Variants in ZNF316 observed in about 807,000 individuals in gnomAD.
The protein encoded by ZNF316 is zinc finger protein 316.
ZNF316 carries 23 observed loss-of-function variants against 75.6 expected under a neutral mutation model. The ratio of observed to expected loss-of-function variants is 0.30; its 90% CI spans 0.22 to 0.43. ZNF316 has a LOEUF of 0.43. ZNF316 is among the 20% of genes least tolerant of loss of function. ZNF316 has a pLI of 1.00. For missense variants in ZNF316, 1,266 were observed against 1,409.4 expected, an observed-to-expected ratio of 0.90 and a Z score of 1.63; for synonymous variants, 827 against 666.2, an observed-to-expected ratio of 1.24 and a Z score of -3.72.
rs1246356350 is a variant in ZNF316 at position 6,654,507 on chromosome 7, C to T, written c.2911C>T (p.Arg971Cys). 5 of 1,176,188 alleles carry T rather than the reference C, an allele frequency of 4.3e-6. No individual in the cohort carries two copies. Among genetic ancestry groups the T allele is most frequent in the Non-Finnish European group, 4.2e-6 (4 of 952,510 alleles). The allele number at this position is 1,176,188 out of a possible 1,614,324, so 72.9% of individuals were successfully genotyped here. A position where few individuals can be genotyped will look rare whatever the true frequency, so the allele number is the denominator to read the frequency against. ...KGPSSAGPGERGSALLEFAGG... is the reference protein window; with the variant it reads ...KGPSSAGPGECGSALLEFAGG... ...GCCGTCCAGTGCCGGCCCCGGTGAG[C>T]GCGGCAGCGCCCTGCTGGAGTTCGC... Residue 971 changes from arginine to cysteine, a missense_variant, in exon 9 of 9, where the codon CGC (arginine) becomes TGC (cysteine). By Grantham distance (180) the Arg-to-Cys change is radical. This residue lies in a region of ZNF316 where 111 missense variants were observed against 99.2 expected (regional missense o/e 1.12). Transcript: ENST00000382252.
In ZNF316 at chr7:6,652,844, G is replaced by A. The variant is rs1779535651; in HGVS notation, c.1248G>A (p.Leu416=). ...CGKRFVYKSH[L]VTHRRIHTGE... Reference sequence around the variant, plus strand: ...AGCGCTTCGTCTACAAGTCGCACCTGGTTACGCACCGACGCATCCATACTG... The same window carrying A: ...AGCGCTTCGTCTACAAGTCGCACCTAGTTACGCACCGACGCATCCATACTG... Residue 416 remains leucine (L), a synonymous_variant, in exon 9 of 9, where the codon CTG becomes CTA. Coordinates refer to ENST00000382252, the MANE Select transcript of ZNF316 (RefSeq NM_001278559.2). 4 of 1,251,900 alleles carry A rather than the reference G, an allele frequency of 3.2e-6. No homozygotes were observed. The highest frequency in any genetic ancestry group is 4.0e-6 in the Non-Finnish European group (4 of 997,672). 77.5% of individuals were successfully genotyped at this position (1,251,900 alleles called of 1,614,324 possible). A position where few individuals can be genotyped will look rare whatever the true frequency, so the allele number is the denominator to read the frequency against.
At chr7:6,650,019 A>G (rs1779479381) in intron 8 of ZNF316, among the ~76,000 whole-genome samples, 1 of 152,174 alleles carries the variant, frequency 6.6e-6, no homozygotes, top group African/African-American at 2.4e-5. Context: ...TATCCAGTAA[A>G]TGCTCGCTGA....
In ZNF316 at chr7:6,637,521, G is replaced by C. The variant is rs1260713905; in HGVS notation, c.-431+74G>C. On this transcript the variant is annotated intron_variant, in intron 1 of 8. Coordinates refer to ENST00000382252, the MANE Select transcript of ZNF316 (RefSeq NM_001278559.2). This position sits in a 1 kb window ranked among gnomAD's most constrained non-coding sequence, Gnocchi z 6.2. ...CGGGCGGGCCGGGCTTGCGCTCGGG[G>C]GCGGCGGCGGCGGCGGGGCCGGGCT... is the stretch of plus-strand genomic sequence containing the variant. 6.8e-6 allele frequency: 1 copy of C among 146,614 alleles called. No homozygotes were observed. Among genetic ancestry groups the C allele is most frequent in the Non-Finnish European group, 1.5e-5 (1 of 65,708 alleles). The allele number at this position is 146,614 out of a possible 1,614,324, so 9.1% of individuals were successfully genotyped here.
intron 8 of ZNF316, among the ~76,000 whole-genome samples, chr7:6,649,562 C>T (rs774080269): frequency 2.0e-5 from 3 of 152,226 alleles, no homozygotes; most frequent in Non-Finnish European, 4.4e-5. Flanking sequence ...TGAACACCCT[C>T]ACTCAAGGAT....
At chr7:6,647,271 C>T (rs1319524123) in intron 8 of ZNF316, among the ~76,000 whole-genome samples, 1 of 152,176 alleles carries the variant, frequency 6.6e-6, no homozygotes, top group Non-Finnish European at 1.5e-5. Context: ...ACAGACCTGG[C>T]AGCCTGGCCA....
Position 6,654,053 on chromosome 7 carries a change from G to A in ZNF316, c.2457G>A (p.Thr819=). 2 of 1,206,026 alleles carry A rather than the reference G, an allele frequency of 1.7e-6. No individual in the cohort carries two copies. Among genetic ancestry groups the A allele is most frequent in the Non-Finnish European group, 2.1e-6 (2 of 971,452 alleles). 74.7% of individuals were successfully genotyped at this position (1,206,026 alleles called of 1,614,324 possible). A position where few individuals can be genotyped will look rare whatever the true frequency, so the allele number is the denominator to read the frequency against. Residue 819 remains threonine (T), a synonymous_variant, in exon 9 of 9, where the codon ACG becomes ACA. Coordinates refer to ENST00000382252, the MANE Select transcript of ZNF316 (RefSeq NM_001278559.2). ...GRRFGQSAAL[T]RHQWAHAEEK... is the part of the protein sequence containing the mutation. Reference sequence around the variant, plus strand: ...GCTTCGGGCAGAGCGCGGCGCTGACGCGGCATCAGTGGGCGCACGCCGAGG... The same window carrying A: ...GCTTCGGGCAGAGCGCGGCGCTGACACGGCATCAGTGGGCGCACGCCGAGG...
In ZNF316 at chr7:6,652,442, G is replaced by T; in HGVS notation, c.846G>T (p.Thr282=). ...AAYGVGDVPG[T]WGPDDSDSAQ... ...ACGGCGTGGGGGACGTGCCTGGGACGTGGGGGCCCGACGACTCGGATTCGG... is the reference window on the plus strand; with the variant it reads ...ACGGCGTGGGGGACGTGCCTGGGACTTGGGGGCCCGACGACTCGGATTCGG... Residue 282 remains threonine (T), a synonymous_variant, in exon 9 of 9, where the codon ACG becomes ACT. Transcript: ENST00000382252. The T allele has an allele frequency of 1.6e-6, 2 of 1,232,052 alleles. No individual in the cohort carries two copies. The highest frequency in any genetic ancestry group is 4.1e-5 in the South Asian group (1 of 24,322). 76.3% of individuals were successfully genotyped at this position (1,232,052 alleles called of 1,614,324 possible).
chr7:6,644,662 C>T (rs1442079197), intron 8 of ZNF316, 69 bp downstream of exon 8: 1 of 872,788 alleles, frequency 1.1e-6, no homozygotes, highest in East Asian at 3.3e-5. Flanking sequence ...CTTTGGCCTT[C>T]ACTGCGCTCT....
Position 6,644,482 on chromosome 7 carries a change from T to C in ZNF316, c.595T>C (p.Tyr199His). 4.1e-6 allele frequency: 5 copies of C among 1,231,934 alleles called. No homozygotes were observed. The highest frequency in any genetic ancestry group is 5.1e-6 in the Non-Finnish European group (5 of 987,810). The allele number at this position is 1,231,934 out of a possible 1,614,324, so 76.3% of individuals were successfully genotyped here. A position where few individuals can be genotyped will look rare whatever the true frequency, so the allele number is the denominator to read the frequency against. Residue 199 changes from tyrosine to histidine, a missense_variant and splice_region_variant, in exon 8 of 9, where the codon TAC (tyrosine) becomes CAC (histidine). Around this residue, in one of 3 missense-constraint regions of ZNF316, gnomAD observed 961 missense variants for 990.9 expected, o/e 0.97. Coordinates refer to ENST00000382252, the MANE Select transcript of ZNF316 (RefSeq NM_001278559.2). Reference protein sequence around the residue: ...ENYGILVSLGYPIPKPDLIFR... With the variant: ...ENYGILVSLGHPIPKPDLIFR... ...GCCGCCGTCTGTTCTCCTGGCAGGATACCCAATTCCCAAGCCCGATCTGAT... is the reference window on the plus strand; with the variant it reads ...GCCGCCGTCTGTTCTCCTGGCAGGACACCCAATTCCCAAGCCCGATCTGAT...
intron 3 of ZNF316, among the ~76,000 whole-genome samples, chr7:6,641,487 G>A (rs1355353765): frequency 6.6e-6 from 1 of 152,224 alleles, no homozygotes; most frequent in Non-Finnish European, 1.5e-5. Flanking sequence ...AGTGGGGAGG[G>A]GCGAGGGGTC....
In ZNF316 at chr7:6,639,274, G is replaced by A. The variant is rs1026620059; in HGVS notation, c.-167+133G>A. On this transcript the variant is annotated intron_variant, in intron 3 of 8. Coordinates refer to ENST00000382252, the MANE Select transcript of ZNF316 (RefSeq NM_001278559.2). The surrounding 1 kb of genome is among the most constrained non-coding windows in gnomAD (Gnocchi z 4.2). ...TCCATCACATTGGCTGGCGACTTTA[G>A]ACATTCTTTTAGTAAGTATTTGAAT... The A allele has an allele frequency of 1.3e-5, 2 of 152,236 alleles. No homozygotes were observed. The highest frequency in any genetic ancestry group is 4.8e-5 in the African/African-American group (2 of 41,444). The allele number at this position is 152,236 out of a possible 1,614,324, so 9.4% of individuals were successfully genotyped here.
Position 6,653,516 on chromosome 7 carries a change from C to T in ZNF316, c.1920C>T (p.Leu640=). 3 of 1,220,574 alleles carry T rather than the reference C, an allele frequency of 2.5e-6. No individual in the cohort carries two copies. The highest frequency in any genetic ancestry group is 8.2e-5 in the South Asian group (2 of 24,254). 75.6% of individuals were successfully genotyped at this position (1,220,574 alleles called of 1,614,324 possible). Residue 640 remains leucine, a synonymous_variant, in exon 9 of 9, where the codon CTC becomes CTT. Coordinates refer to ENST00000382252, the MANE Select transcript of ZNF316 (RefSeq NM_001278559.2). The part of the protein sequence containing the change: ...RPLPAPLGGP[L]SLVEGTGLAC... ...TCCCGGCGCCCCTGGGGGGCCCGCTCTCCCTGGTGGAGGGTACCGGGCTGG... is the reference window on the plus strand; with the variant it reads ...TCCCGGCGCCCCTGGGGGGCCCGCTTTCCCTGGTGGAGGGTACCGGGCTGG...
chr7:6,648,675 T>C (rs1428906746), intron 8 of ZNF316, among the ~76,000 whole-genome samples: 1 of 152,120 alleles, frequency 6.6e-6, no homozygotes, highest in East Asian at 1.9e-4. Context: ...AGGAGTGGAA[T>C]TCACACCCAG....
chr7:6,653,619 C>G lies in ZNF316; in HGVS notation c.2023C>G (p.Leu675Val), dbSNP rs1396583932. The G allele has an allele frequency of 2.8e-6, 3 of 1,062,134 alleles. No homozygotes were observed. Among genetic ancestry groups the G allele is most frequent in the African/African-American group, 1.7e-5 (1 of 57,950 alleles). The allele number at this position is 1,062,134 out of a possible 1,614,324, so 65.8% of individuals were successfully genotyped here. A position where few individuals can be genotyped will look rare whatever the true frequency, so the allele number is the denominator to read the frequency against. The change falls in exon 9 of 9, where the codon CTG becomes GTG. Residue 675 changes from leucine (L) to valine (V), a missense_variant. Coordinates refer to ENST00000382252, the MANE Select transcript of ZNF316 (RefSeq NM_001278559.2). ...CGCGTTCGGGCCCGCCATCGGGGGT[C>G]TGCTGGCGGAGCCCGCGCCGGCCGC... Reference protein sequence around the residue: ...LRAFGPAIGGLLAEPAPAALA... With the variant: ...LRAFGPAIGGVLAEPAPAALA...
intron 8 of ZNF316, among the ~76,000 whole-genome samples, chr7:6,646,117 C>T (rs551552484): frequency 2.6e-4 from 39 of 152,128 alleles, no homozygotes; most frequent in South Asian, 8.3e-4. Context: ...TGACACGACA[C>T]GTGCGGATTA....
intron 8 of ZNF316, among the ~76,000 whole-genome samples, chr7:6,645,754 G>C (rs1048163747): frequency 1.4e-4 from 22 of 151,882 alleles, no homozygotes; most frequent in African/African-American, 5.3e-4. Context: ...CCAGCACTTT[G>C]GGAGGCCAAG....
At position 6,652,269 on chromosome 7, in the gene ZNF316, C is replaced by T. The variant is rs1219904742; in HGVS notation, c.707-34C>T. On this transcript the variant is annotated intron_variant, in intron 8 of 8. Coordinates refer to ENST00000382252, the MANE Select transcript of ZNF316 (RefSeq NM_001278559.2). ...CAGAGGCTCCTGTCAAGTTCACTTA[C>T]CTCTCTCTTCTGGCCTGCCTTTGTC... 9 of 1,232,136 alleles carry T rather than the reference C, an allele frequency of 7.3e-6. No homozygotes were observed. The African/African-American group carries it at 1.1e-4, about 15-fold the overall frequency. 76.3% of individuals were successfully genotyped at this position (1,232,136 alleles called of 1,614,324 possible).
At position 6,642,722 on chromosome 7, in the gene ZNF316, A is replaced by G; in HGVS notation, c.313A>G (p.Ser105Gly). ...CPALGTQERLSRGGDAKSPVL... is the reference protein window; with the variant it reads ...CPALGTQERLGRGGDAKSPVL... ...GGCGTTGGGGACCCAGGAGCGACTT[A>G]GCCGTGGTGGTGATGCCAAGTCCCC... The change falls in exon 5 of 9, where the codon AGC (serine) becomes GGC (glycine). Residue 105 changes from serine (S) to glycine (G), a missense_variant. By Grantham distance (56) the Ser-to-Gly change is moderately conservative. Coordinates refer to ENST00000382252, the MANE Select transcript of ZNF316 (RefSeq NM_001278559.2). This position sits in a 1 kb window ranked among gnomAD's most constrained non-coding sequence, Gnocchi z 8.1. The G allele has an allele frequency of 2.4e-6, 3 of 1,233,836 alleles. No homozygotes were observed. Among genetic ancestry groups the G allele is most frequent in the Non-Finnish European group, 3.0e-6 (3 of 989,150 alleles). 76.4% of individuals were successfully genotyped at this position (1,233,836 alleles called of 1,614,324 possible).
Position 6,658,023 on chromosome 7 carries a change from G to A in ZNF316, c.*3412G>A, listed in dbSNP as rs1434746330. 1.3e-5 allele frequency among the ~76,000 whole-genome samples: 2 copies of A among 152,014 alleles called. No individual in the cohort carries two copies. Among genetic ancestry groups the A allele is most frequent in the Non-Finnish European group, 2.9e-5 (2 of 68,004 alleles). On this transcript the variant is annotated 3_prime_UTR_variant, in exon 9 of 9. Transcript: ENST00000382252. ...TAGTGACTTGTGAAATGTGAGTCAC[G>A]AAAGGTGGCACTTAGAGGGTCCCTC...
Sources: allele counts gnomAD v4.1 joint callset (sites outside exome capture counted in the v4.1 genomes callset), GRCh38; gene constraint gnomAD v4.1.1; regional missense constraint gnomAD v4.1.1; non-coding constraint Gnocchi (gnomAD v3.1); transcripts MANE v1.5; gene names NCBI Gene and HGNC (gene_info 2026-07-23, HGNC 2026-07-21).